Variants in NEGR1 observed in about 807,000 individuals in gnomAD.
NEGR1 encodes the protein neuronal growth regulator 1.
A neutral mutation model predicts 40.9 loss-of-function variants in NEGR1; 10 were observed. That is an observed-to-expected ratio of 0.24 (90% CI 0.15 to 0.42). NEGR1 has a LOEUF of 0.42. Ranked by LOEUF, NEGR1 falls within the 10% of genes least tolerant of loss-of-function variation. The pLI is 1.00. For synonymous variants in NEGR1, 185 were observed against 166.8 expected, an observed-to-expected ratio of 1.11 and a Z score of -0.84; for missense variants, 352 against 438.9, an observed-to-expected ratio of 0.80 and a Z score of 1.77.
chr1:72,036,287 C>T (rs1285529703), intron 1 of NEGR1, among the ~76,000 whole-genome samples: 3 of 152,026 alleles, frequency 2.0e-5, no homozygotes, highest in African/African-American at 7.2e-5. Flanking sequence ...TATAAAACCC[C>T]ATGGGGCTTT....
In NEGR1 at chr1:71,611,848, T is replaced by C. The variant is rs530811685; in HGVS notation, c.668-702A>G. 7.2e-5 allele frequency among the ~76,000 whole-genome samples: 11 copies of C among 152,318 alleles called. No homozygotes were observed. The East Asian group carries it at 1.9e-3, about 27-fold the overall frequency. On this transcript the variant is annotated intron_variant, in intron 4 of 6. Transcript: ENST00000357731. ...TCAGTGTCCCCATGCTCTTCCCTAT[T>C]GCTCTAGCTGGAAAAAGTTTCCCCG...
chr1:72,116,402 C>T (rs1649581250), intron 1 of NEGR1, among the ~76,000 whole-genome samples: 1 of 151,636 alleles, frequency 6.6e-6, no homozygotes, highest in Admixed American at 6.6e-5. Context: ...GCAGAGATCC[C>T]TTTGAATTGT....
At chr1:71,793,322 G>A in intron 2 of NEGR1, among the ~76,000 whole-genome samples, 1 of 13,382 alleles carries the variant, frequency 7.5e-5, no homozygotes, top group Non-Finnish European at 2.0e-4. Context: ...TATTGGCCAG[G>A]TTGGTCTTGA....
At chr1:71,684,907 A>C (rs995847930) in intron 4 of NEGR1, among the ~76,000 whole-genome samples, 1 of 152,222 alleles carries the variant, frequency 6.6e-6, no homozygotes, top group Admixed American at 6.5e-5. Flanking sequence ...AATTTAAAAA[A>C]ATATCTTTTA....
chr1:71,797,321 T>G (rs1295886637), intron 2 of NEGR1, among the ~76,000 whole-genome samples: 1 of 152,142 alleles, frequency 6.6e-6, no homozygotes, highest in Non-Finnish European at 1.5e-5. Context: ...CACTAAACCT[T>G]GTATTTAGTA....
At chr1:71,924,383 C>T (rs1225321733) in intron 2 of NEGR1, among the ~76,000 whole-genome samples, 1 of 152,168 alleles carries the variant, frequency 6.6e-6, no homozygotes, top group Non-Finnish European at 1.5e-5. Flanking sequence ...CTGAAGTCAT[C>T]CTGCCTGCTC....
At chr1:72,126,700 T>A (rs1650036859) in intron 1 of NEGR1, among the ~76,000 whole-genome samples, 1 of 152,168 alleles carries the variant, frequency 6.6e-6, no homozygotes, top group South Asian at 2.1e-4. Context: ...CACATTTTCA[T>A]AAAGACTGAC....
chr1:71,648,009 G>A (rs183436789), intron 4 of NEGR1, among the ~76,000 whole-genome samples: 168 of 152,036 alleles, frequency 1.1e-3, no homozygotes, highest in Non-Finnish European at 2.1e-3. Context: ...AAGCAATGGA[G>A]GACACTTTCA....
intron 3 of NEGR1, among the ~76,000 whole-genome samples, chr1:71,755,775 T>C (rs1171154085): frequency 6.6e-6 from 1 of 152,186 alleles, no homozygotes; most frequent in Admixed American, 6.6e-5. Context: ...TTATGTCTCT[T>C]CTGGCAAGAT....
chr1:72,131,245 C>G (rs951053716), intron 1 of NEGR1, among the ~76,000 whole-genome samples: 10 of 152,096 alleles, frequency 6.6e-5, no homozygotes, highest in African/African-American at 2.4e-4. Context: ...ACATATCCAA[C>G]AACTATGCAT....
chr1:71,660,656 C>T (rs1652023137), intron 4 of NEGR1, among the ~76,000 whole-genome samples: 1 of 152,124 alleles, frequency 6.6e-6, no homozygotes, highest in Non-Finnish European at 1.5e-5. Context: ...TGGAATTCTA[C>T]ACATATCTAA....
intron 1 of NEGR1, among the ~76,000 whole-genome samples, chr1:72,269,481 T>G (rs1397836262): frequency 6.6e-6 from 1 of 151,660 alleles, no homozygotes; most frequent in Non-Finnish European, 1.5e-5. Flanking sequence ...TTGCGGCTTT[T>G]GAAAGGAAAT....
chr1:71,626,812 C>A (rs1180651476), intron 4 of NEGR1, among the ~76,000 whole-genome samples: 1 of 152,006 alleles, frequency 6.6e-6, no homozygotes, highest in Non-Finnish European at 1.5e-5. Flanking sequence ...AAAAAACAAA[C>A]AACCCCATCA....
chr1:71,436,981 G>C (rs755575909), intron 6 of NEGR1, among the ~76,000 whole-genome samples: 5 of 152,032 alleles, frequency 3.3e-5, no homozygotes, highest in Admixed American at 1.3e-4. Flanking sequence ...GGGGCTTAGG[G>C]CCTCTTCATG....
intron 1 of NEGR1, among the ~76,000 whole-genome samples, chr1:72,210,788 AT>A (rs763906729): frequency 2.4e-4 from 36 of 152,054 alleles, no homozygotes; most frequent in Non-Finnish European, 3.8e-4. Flanking sequence ...ATGGTGAAAG[AT>A]GTATTCAAAG....
At chr1:72,251,643 T>C (rs1291715930) in intron 1 of NEGR1, among the ~76,000 whole-genome samples, 1 of 152,184 alleles carries the variant, frequency 6.6e-6, no homozygotes, top group African/African-American at 2.4e-5. Context: ...TTATACTGTA[T>C]TGTTTAGGGA....
At chr1:72,251,478 T>C (rs1655085821) in intron 1 of NEGR1, among the ~76,000 whole-genome samples, 1 of 152,154 alleles carries the variant, frequency 6.6e-6, no homozygotes, top group African/African-American at 2.4e-5. Flanking sequence ...ACGGGGTTAG[T>C]TTCAGAAACT....
intron 2 of NEGR1, among the ~76,000 whole-genome samples, chr1:71,850,839 T>G (rs2101812519): frequency 6.6e-6 from 1 of 152,280 alleles, no homozygotes; most frequent in East Asian, 1.9e-4. Flanking sequence ...TTTTGGAAAT[T>G]TCCTCACTAA....
intron 6 of NEGR1, among the ~76,000 whole-genome samples, chr1:71,571,787 C>A (rs1215009847): frequency 3.4e-3 from 366 of 106,478 alleles, no homozygotes; most frequent in Non-Finnish European, 3.7e-3. Context: ...GCCCCTGTCT[C>A]AAAAAAAAAA....
Sources: gnomAD v4.1 joint callset for allele counts (sites outside exome capture counted in the v4.1 genomes callset) on GRCh38, gnomAD v4.1.1 for gene constraint, MANE v1.5 for transcripts, NCBI Gene and HGNC (gene_info 2026-07-23, HGNC 2026-07-21) for gene names.